FBXO4: variants seen among roughly 807,000 people sequenced by gnomAD.
The protein encoded by FBXO4 is F-box protein 4.
In FBXO4, 36 loss-of-function variants were observed where a neutral mutation model predicts 43.7. The ratio of observed to expected loss-of-function variants is 0.82; its 90% CI spans 0.63 to 1.09. The LOEUF (loss-of-function observed/expected upper bound fraction) is 1.09, where lower values mean the gene tolerates loss of function less well. Ranked by LOEUF, FBXO4 falls within the 50% of genes least tolerant of loss-of-function variation. The pLI is 0.00. For synonymous variants in FBXO4, 180 were observed against 165.6 expected (o/e 1.09, Z -0.67); for missense variants, 435 against 474.1 (o/e 0.92, Z 0.77).
At chr5:42,005,163 A>T in the FBXO4 span, among the ~76,000 whole-genome samples, 4 of 152,220 alleles carry the variant, frequency 2.6e-5, no homozygotes, top group African/African-American at 9.6e-5. Flanking sequence ...GAGAAGATAC[A>T]GCCGGAGAAC....
the FBXO4 span, among the ~76,000 whole-genome samples, chr5:42,013,181 G>A: frequency 1.2e-4 from 19 of 152,222 alleles, no homozygotes; most frequent in South Asian, 3.7e-3. Flanking sequence ...GTGCGCACCT[G>A]TGGTCCCAGC....
At chr5:41,962,998 G>A in the FBXO4 span, among the ~76,000 whole-genome samples, 1 of 152,010 alleles carries the variant, frequency 6.6e-6, no homozygotes, top group African/African-American at 2.4e-5. Context: ...AAGTCATTAG[G>A]TTTTATCCCT....
the FBXO4 span, among the ~76,000 whole-genome samples, chr5:41,996,599 C>T: frequency 6.6e-6 from 1 of 152,170 alleles, no homozygotes; most frequent in Non-Finnish European, 1.5e-5. Context: ...CTGTTTTGGA[C>T]CCCACTCAAA....
downstream of FBXO4, among the ~76,000 whole-genome samples, chr5:41,944,077 C>A (rs1347765734): frequency 6.6e-6 from 1 of 152,124 alleles, no homozygotes; most frequent in Non-Finnish European, 1.5e-5. Flanking sequence ...TTAAGACACT[C>A]GGTCTATGGT....
chr5:42,018,284 C>T, the FBXO4 span, among the ~76,000 whole-genome samples: 12 of 151,576 alleles, frequency 7.9e-5, no homozygotes, highest in African/African-American at 2.4e-4. Context: ...ATAATGAGAA[C>T]ACCAAACATA....
intron 5 of FBXO4, among the ~76,000 whole-genome samples, chr5:41,935,242 A>T (rs1033885326): frequency 5.3e-5 from 8 of 152,236 alleles, no homozygotes; most frequent in African/African-American, 1.9e-4. Flanking sequence ...AAAAATTTAC[A>T]AGACACAAAG....
the FBXO4 span, among the ~76,000 whole-genome samples, chr5:42,030,327 G>GTCAAA: frequency 6.6e-6 from 1 of 152,068 alleles, no homozygotes; most frequent in Non-Finnish European, 1.5e-5. Flanking sequence ...TCTGATCTTT[G>GTCAAA]ACAAACCTGA....
At chr5:41,949,401 A>G in the FBXO4 span, among the ~76,000 whole-genome samples, 1 of 152,192 alleles carries the variant, frequency 6.6e-6, no homozygotes. Flanking sequence ...TGCAAAAATC[A>G]CAAGCATTCT....
chr5:41,951,172 T>C, the FBXO4 span: 29 of 155,816 alleles, frequency 1.9e-4, no homozygotes, highest in Non-Finnish European at 3.8e-4. Context: ...GTAAGAAACC[T>C]GCACGTTCTG....
At chr5:42,037,490 G>C in the FBXO4 span, among the ~76,000 whole-genome samples, 11 of 152,078 alleles carry the variant, frequency 7.2e-5, no homozygotes, top group African/African-American at 2.7e-4. Context: ...AATTAAGCTT[G>C]CAGTGCATTC....
the FBXO4 span, among the ~76,000 whole-genome samples, chr5:42,029,525 A>C: frequency 6.6e-6 from 1 of 152,024 alleles, no homozygotes; most frequent in Non-Finnish European, 1.5e-5. Flanking sequence ...CTTTAAATAC[A>C]TTTCCTACTC....
the FBXO4 span, among the ~76,000 whole-genome samples, chr5:41,947,757 A>G: frequency 6.6e-6 from 1 of 152,190 alleles, no homozygotes; most frequent in Non-Finnish European, 1.5e-5. Flanking sequence ...GAAAGCTTAT[A>G]GTTTAAGGTA....
the FBXO4 span, among the ~76,000 whole-genome samples, chr5:42,012,391 T>G: frequency 1.3e-5 from 2 of 152,126 alleles, no homozygotes; most frequent in African/African-American, 4.8e-5. Context: ...TCTGTAACAT[T>G]GGGTGATTGG....
At chr5:41,926,812 A>T (rs923428395) in intron 1 of FBXO4, among the ~76,000 whole-genome samples, 5 of 152,234 alleles carry the variant, frequency 3.3e-5, no homozygotes, top group African/African-American at 9.6e-5. Context: ...TAAATGTTTA[A>T]CAACTACGAA....
At chr5:41,964,126 G>A in the FBXO4 span, among the ~76,000 whole-genome samples, 1 of 152,150 alleles carries the variant, frequency 6.6e-6, no homozygotes, top group South Asian at 2.1e-4. Context: ...CAAATATCTA[G>A]AAAGATGTAA....
chr5:41,936,904 G>T (rs1003975446), intron 5 of FBXO4, among the ~76,000 whole-genome samples: 6 of 147,648 alleles, frequency 4.1e-5, no homozygotes, highest in South Asian at 4.3e-4. Flanking sequence ...CAGTTTTTTT[G>T]TTTTTTTTTT....
At chr5:41,989,470 A>G in the FBXO4 span, among the ~76,000 whole-genome samples, 1 of 152,182 alleles carries the variant, frequency 6.6e-6, no homozygotes, top group African/African-American at 2.4e-5. Context: ...AAAGATGAGA[A>G]AAAGCATTCA....
In FBXO4 at chr5:41,925,333, C is replaced by T; in HGVS notation, c.24C>T (p.Ser8=). MAGSEPR[S]GTNSPPPPFS... Reference sequence around the variant, plus strand: ...CCATGGCGGGAAGCGAGCCGCGCAGCGGAACAAACTCGCCGCCGCCGCCCT... The same window carrying T: ...CCATGGCGGGAAGCGAGCCGCGCAGTGGAACAAACTCGCCGCCGCCGCCCT... Residue 8 remains serine (S), a synonymous_variant, in exon 1 of 7, where the codon AGC becomes AGT. Transcript: ENST00000281623. The T allele has an allele frequency of 1.5e-6, 2 of 1,356,728 alleles. No homozygotes were observed. Among genetic ancestry groups the T allele is most frequent in the Admixed American group, 4.0e-5 (1 of 25,040 alleles). 84.0% of individuals were successfully genotyped at this position (1,356,728 alleles called of 1,614,324 possible). A position where few individuals can be genotyped will look rare whatever the true frequency, so the allele number is the denominator to read the frequency against.
intron 2 of FBXO4, among the ~76,000 whole-genome samples, chr5:41,928,219 A>G (rs1406248929): frequency 6.6e-6 from 1 of 152,210 alleles, no homozygotes; most frequent in Non-Finnish European, 1.5e-5. Context: ...CCATTGCATC[A>G]AGTGTATATG....
Sources: gnomAD v4.1 joint callset for allele counts (sites outside exome capture counted in the v4.1 genomes callset) on GRCh38, gnomAD v4.1.1 for gene constraint, MANE v1.5 for transcripts, NCBI Gene and HGNC (gene_info 2026-07-23, HGNC 2026-07-21) for gene names.